PLCB4: variants seen among roughly 807,000 people sequenced by gnomAD.
PLCB4 encodes the protein phospholipase C beta 4, also known as 1-phosphatidylinositol 4,5-bisphosphate phosphodiesterase beta-4.
In PLCB4, 77 loss-of-function variants were observed where a neutral mutation model predicts 178.8. The ratio of observed to expected loss-of-function variants is 0.43; its 90% CI spans 0.36 to 0.52. The LOEUF is 0.52. Among genes scored for constraint, PLCB4 ranks in the 20% least tolerant of loss-of-function variants. The pLI is 0.00. For missense variants in PLCB4, 1,024 were observed against 1,453.4 expected, an observed-to-expected ratio of 0.70 and a Z score of 4.80; for synonymous variants, 496 against 490.8, an observed-to-expected ratio of 1.01 and a Z score of -0.14.
intron 3 of PLCB4, among the ~76,000 whole-genome samples, chr20:9,297,293 T>C (rs1488754082): frequency 2.6e-5 from 4 of 152,018 alleles, no homozygotes; most frequent in African/African-American, 7.2e-5. Flanking sequence ...ACACGTGTTC[T>C]CACTCATAAG....
At chr20:9,261,174 C>T (rs1198580702) in intron 3 of PLCB4, among the ~76,000 whole-genome samples, 1 of 151,814 alleles carries the variant, frequency 6.6e-6, no homozygotes, top group Non-Finnish European at 1.5e-5. Context: ...GTGCTTCCAG[C>T]AGGACAATCA....
chr20:9,151,096 G>A (rs189442414), intron 2 of PLCB4, among the ~76,000 whole-genome samples: 51 of 151,888 alleles, frequency 3.4e-4, no homozygotes, highest in Admixed American at 3.1e-3. Context: ...AACTAAGCTC[G>A]GATAGAAAAT....
At chr20:9,169,751 T>C (rs1379270434) in intron 2 of PLCB4, among the ~76,000 whole-genome samples, 1 of 152,134 alleles carries the variant, frequency 6.6e-6, no homozygotes, top group East Asian at 1.9e-4. Flanking sequence ...CTCCACAACA[T>C]TGTTTGTGAA....
intron 2 of PLCB4, among the ~76,000 whole-genome samples, chr20:9,105,571 A>T (rs1468967664): frequency 6.6e-6 from 1 of 152,130 alleles, no homozygotes; most frequent in Non-Finnish European, 1.5e-5. Context: ...ATTAAAGAAT[A>T]TTTTAAGTCA....
intron 2 of PLCB4, among the ~76,000 whole-genome samples, chr20:9,181,586 T>C (rs772492647): frequency 9.1e-4 from 138 of 152,258 alleles, no homozygotes; most frequent in Non-Finnish European, 1.6e-3. Flanking sequence ...TAGATGGTCT[T>C]GTCATTGTCC....
Position 9,180,733 on chromosome 20 carries a change from C to G in PLCB4, c.-78-36657C>G, listed in dbSNP as rs556280043. Reference sequence around the variant, plus strand: ...AAGATCACATTCACGCCCATTTCACCCATTCAAGGACTTTCAGGTGCAAAT... The same window carrying G: ...AAGATCACATTCACGCCCATTTCACGCATTCAAGGACTTTCAGGTGCAAAT... On this transcript the variant is annotated intron_variant, in intron 2 of 39. Transcript: ENST00000378473. Among the ~76,000 whole-genome samples, 5 of 152,230 alleles carry G rather than the reference C, an allele frequency of 3.3e-5. No homozygotes were observed. In the South Asian group the frequency reaches 1.0e-3, roughly 32 times the overall value.
chr20:9,449,907 C>T (rs757228188), intron 32 of PLCB4, among the ~76,000 whole-genome samples: 20 of 152,242 alleles, frequency 1.3e-4, no homozygotes, highest in Middle Eastern at 3.4e-3. Context: ...CCTCAGAGTC[C>T]GCCTATTGGT....
intron 4 of PLCB4, among the ~76,000 whole-genome samples, chr20:9,311,580 CTT>C (rs1193926866): frequency 6.6e-6 from 1 of 152,072 alleles, no homozygotes; most frequent in Non-Finnish European, 1.5e-5. Flanking sequence ...TCCTTTTTCA[CTT>C]TTCCAGATAC....
At chr20:9,377,122 A>G (rs1194745977) in intron 12 of PLCB4, among the ~76,000 whole-genome samples, 1 of 152,146 alleles carries the variant, frequency 6.6e-6, no homozygotes, top group Non-Finnish European at 1.5e-5. Context: ...TCCCAGTGCT[A>G]CTTGGATTGA....
intron 2 of PLCB4, among the ~76,000 whole-genome samples, chr20:9,172,703 C>A (rs1177519046): frequency 5.3e-5 from 8 of 152,064 alleles, no homozygotes; most frequent in African/African-American, 1.9e-4. Context: ...TAAGAGAGGC[C>A]ACTGTCTCTG....
At chr20:9,257,048 A>G (rs145314030) in intron 3 of PLCB4, among the ~76,000 whole-genome samples, 1 of 152,320 alleles carries the variant, frequency 6.6e-6, no homozygotes, top group Non-Finnish European at 1.5e-5. Context: ...ACAGTTACTC[A>G]GTAACTTTCT....
chr20:9,247,303 A>G (rs2094135727), intron 3 of PLCB4, among the ~76,000 whole-genome samples: 1 of 152,212 alleles, frequency 6.6e-6, no homozygotes, highest in Admixed American at 6.5e-5. Context: ...GCTTTTTTAG[A>G]AATAGCTCTA....
At chr20:9,432,833 T>C (rs1859132270) in intron 28 of PLCB4, among the ~76,000 whole-genome samples, 1 of 152,300 alleles carries the variant, frequency 6.6e-6, no homozygotes, top group South Asian at 2.1e-4. Context: ...AAGACATGAA[T>C]TGGCATCAGA....
At chr20:9,330,053 A>G (rs1312449412) in intron 4 of PLCB4, among the ~76,000 whole-genome samples, 2 of 152,324 alleles carry the variant, frequency 1.3e-5, no homozygotes, top group East Asian at 1.9e-4. Flanking sequence ...GTGCAGAATC[A>G]CAAAGGATCT....
chr20:9,154,391 C>T (rs953995002), intron 2 of PLCB4, among the ~76,000 whole-genome samples: 1 of 152,158 alleles, frequency 6.6e-6, no homozygotes, highest in African/African-American at 2.4e-5. Context: ...TGAGTTATAA[C>T]TGGCAATTTC....
At chr20:9,318,738 T>C (rs757885759) in intron 4 of PLCB4, among the ~76,000 whole-genome samples, 1 of 152,178 alleles carries the variant, frequency 6.6e-6, no homozygotes, top group African/African-American at 2.4e-5. Context: ...CTGTTATAAT[T>C]TTTCTCACTG....
At chr20:9,193,822 A>G (rs1216919865) in intron 2 of PLCB4, among the ~76,000 whole-genome samples, 1 of 152,176 alleles carries the variant, frequency 6.6e-6, no homozygotes, top group East Asian at 1.9e-4. Context: ...GTATTTGGCT[A>G]TTTGGTTGGT....
intron 3 of PLCB4, among the ~76,000 whole-genome samples, chr20:9,263,368 C>G (rs2094317487): frequency 6.6e-6 from 1 of 152,178 alleles, no homozygotes; most frequent in African/African-American, 2.4e-5. Flanking sequence ...CATGATCTTT[C>G]ACCATCACTG....
chr20:9,183,461 TTTCCATCACCACACA>T (rs2093280389), intron 2 of PLCB4, among the ~76,000 whole-genome samples: 1 of 152,176 alleles, frequency 6.6e-6, no homozygotes, highest in South Asian at 2.1e-4. Context: ...TAGAAATTTT[TTTCCATCACCACACA>T]TAAGAAAGAA....
Sources: allele counts gnomAD v4.1 joint callset (sites outside exome capture counted in the v4.1 genomes callset), GRCh38; gene constraint gnomAD v4.1.1; transcripts MANE v1.5; gene names NCBI Gene and HGNC (gene_info 2026-07-23, HGNC 2026-07-21).